The following CSGALNACT1 variants were observed in gnomAD, a reference collection of about 807,000 sequenced individuals.
The protein encoded by CSGALNACT1 is beta4GalNAcT-1.
A neutral mutation model predicts 51.0 loss-of-function variants in CSGALNACT1; 52 were observed. The observed-to-expected ratio is 1.02, with a 90% CI of 0.82 to 1.29. CSGALNACT1 has a LOEUF of 1.29. CSGALNACT1 is among the 50% of genes most tolerant of loss of function. The probability of loss-of-function intolerance (pLI) is 0.00; values close to 1 mark genes in which losing one functional copy is unlikely to be tolerated. For synonymous variants in CSGALNACT1, 341 were observed against 254.4 expected, an observed-to-expected ratio of 1.34 and a Z score of -3.24; for missense variants, 935 against 679.2, an observed-to-expected ratio of 1.38 and a Z score of -4.19.
chr8:19,549,368 C>T (rs1290678145), intron 3 of CSGALNACT1, among the ~76,000 whole-genome samples: 1 of 152,118 alleles, frequency 6.6e-6, no homozygotes, highest in African/African-American at 2.4e-5. Context: ...TTTTTTCTTG[C>T]TATTAATAAC....
chr8:19,698,076 G>A (rs2061672651), intron 1 of CSGALNACT1, among the ~76,000 whole-genome samples: 1 of 151,884 alleles, frequency 6.6e-6, no homozygotes. Context: ...TGCGGGGGCT[G>A]AAGAGTGAAT....
intron 4 of CSGALNACT1, among the ~76,000 whole-genome samples, chr8:19,488,175 C>T (rs1019068704): frequency 1.3e-5 from 2 of 151,638 alleles, no homozygotes; most frequent in Non-Finnish European, 2.9e-5. Context: ...AATAGTGAAA[C>T]TCCATCTCTA....
chr8:19,755,687 G>C (rs1004618843), intron 1 of CSGALNACT1, among the ~76,000 whole-genome samples: 3 of 152,100 alleles, frequency 2.0e-5, no homozygotes, highest in Non-Finnish European at 4.4e-5. Context: ...TCAGGTCTCT[G>C]GAACAGCAAA....
chr8:19,531,797 T>C (rs2082819035), intron 3 of CSGALNACT1: 1 of 152,234 alleles, frequency 6.6e-6, no homozygotes, highest in Non-Finnish European at 1.5e-5. Flanking sequence ...CCACCCATCA[T>C]AGCCTGTTCT....
intron 6 of CSGALNACT1, among the ~76,000 whole-genome samples, chr8:19,425,534 C>T (rs960070565): frequency 1.3e-5 from 2 of 152,096 alleles, no homozygotes; most frequent in Non-Finnish European, 2.9e-5. Flanking sequence ...CCTCTTTTTG[C>T]ATGTAAAACA....
intron 3 of CSGALNACT1, among the ~76,000 whole-genome samples, chr8:19,508,049 T>A (rs2077711579): frequency 6.6e-6 from 1 of 152,230 alleles, no homozygotes; most frequent in Admixed American, 6.5e-5. Context: ...AATTATTCTT[T>A]ATATAGTCTT....
chr8:19,691,268 A>T (rs1426711077), intron 1 of CSGALNACT1, among the ~76,000 whole-genome samples: 1 of 152,220 alleles, frequency 6.6e-6, no homozygotes, highest in African/African-American at 2.4e-5. Flanking sequence ...GAAGTTCCCC[A>T]TAAATTTCAG....
chr8:19,678,301 A>G (rs1404633110), intron 1 of CSGALNACT1, among the ~76,000 whole-genome samples: 1 of 152,192 alleles, frequency 6.6e-6, no homozygotes, highest in Non-Finnish European at 1.5e-5. Flanking sequence ...TAGAATTAGC[A>G]TGTAATACTG....
intron 1 of CSGALNACT1, among the ~76,000 whole-genome samples, chr8:19,657,040 G>A (rs1164195967): frequency 2.0e-5 from 3 of 146,426 alleles, no homozygotes; most frequent in African/African-American, 5.1e-5. Flanking sequence ...TCCAGCCCAG[G>A]CAACAGAGTA....
At chr8:19,721,075 G>C (rs1292603143) in intron 1 of CSGALNACT1, among the ~76,000 whole-genome samples, 1 of 152,194 alleles carries the variant, frequency 6.6e-6, no homozygotes, top group Non-Finnish European at 1.5e-5. Context: ...AAACAGTATA[G>C]CCAGCCCTCT....
intron 4 of CSGALNACT1, among the ~76,000 whole-genome samples, chr8:19,478,368 CG>C: frequency 7.4e-6 from 1 of 135,926 alleles, no homozygotes; most frequent in East Asian, 2.3e-4. Flanking sequence ...GAGCCGAGAT[CG>C]CACCACTGCA....
In CSGALNACT1 at chr8:19,666,833, GAAAGAA is replaced by G. The variant is rs1335197929; in HGVS notation, c.-544+15634_-544+15639del. Among the ~76,000 whole-genome samples, 135 of 28,342 alleles carry G rather than the reference GAAAGAA, an allele frequency of 4.8e-3. 3 individuals are homozygous for G. Among genetic ancestry groups the G allele is most frequent in the South Asian group, 0.011 (10 of 934 alleles). 18.6% of individuals were successfully genotyped at this position (28,342 alleles called of 152,430 possible). A position where few individuals can be genotyped will look rare whatever the true frequency, so the allele number is the denominator to read the frequency against. On this transcript the variant is annotated intron_variant, in intron 1 of 9. Transcript: ENST00000332246. ...AAAGAGAGAGAGAGAGAGAGAGAGAGAAAGAAAGAAAGAAAGAAAGAAAGAAAGAAA... is the reference window on the plus strand; with the variant it reads ...AAAGAGAGAGAGAGAGAGAGAGAGAGAGAAAGAAAGAAAGAAAGAAAGAAA...
chr8:19,633,121 A>T (rs936832788), intron 1 of CSGALNACT1, among the ~76,000 whole-genome samples: 1 of 151,914 alleles, frequency 6.6e-6, no homozygotes, highest in Non-Finnish European at 1.5e-5. Context: ...AGAATAAATG[A>T]TGTAACTTTT....
chr8:19,645,697 G>T (rs769598006), intron 1 of CSGALNACT1, among the ~76,000 whole-genome samples: 1 of 152,212 alleles, frequency 6.6e-6, no homozygotes, highest in Non-Finnish European at 1.5e-5. Flanking sequence ...TGTGGGCACT[G>T]CCTGACTTGC....
intron 3 of CSGALNACT1, among the ~76,000 whole-genome samples, chr8:19,584,387 G>T (rs1021371193): frequency 1.2e-4 from 18 of 151,816 alleles, no homozygotes; most frequent in Non-Finnish European, 2.2e-4. Context: ...GTCAAACTGG[G>T]CTGAAATATT....
At chr8:19,554,692 T>G (rs988825444) in intron 3 of CSGALNACT1, among the ~76,000 whole-genome samples, 21 of 151,806 alleles carry the variant, frequency 1.4e-4, no homozygotes, top group African/African-American at 1.9e-4. Flanking sequence ...CTGAGGCCAG[T>G]GAATCACCTG....
upstream of CSGALNACT1, among the ~76,000 whole-genome samples, chr8:19,603,556 C>A (rs2050891857): frequency 6.6e-6 from 1 of 152,164 alleles, no homozygotes; most frequent in South Asian, 2.1e-4. Context: ...TCACTTGGAC[C>A]CGAATCTGAG....
chr8:19,612,946 GAAAAAAAAAAAAAAAAAAAAAA>G (rs1165754811), intron 1 of CSGALNACT1, among the ~76,000 whole-genome samples: 1 of 15,428 alleles, frequency 6.5e-5, no homozygotes, highest in East Asian at 2.9e-3. Flanking sequence ...AAAGCAGCTG[GAAAAAAAAAAAAAAAAAAAAAA>G]AAAAAAAAAA....
At chr8:19,638,028 A>C (rs2056302530) in intron 1 of CSGALNACT1, among the ~76,000 whole-genome samples, 1 of 152,172 alleles carries the variant, frequency 6.6e-6, no homozygotes, top group African/African-American at 2.4e-5. Flanking sequence ...GCTTTTGTCA[A>C]CTGATATGAG....
Sources: allele counts gnomAD v4.1 joint callset (sites outside exome capture counted in the v4.1 genomes callset), GRCh38; gene constraint gnomAD v4.1.1; transcripts MANE v1.5; gene names NCBI Gene and HGNC (gene_info 2026-07-23, HGNC 2026-07-21).